Variants in HPGD observed in about 807,000 individuals in gnomAD.
HPGD encodes the protein 15-hydroxyprostaglandin dehydrogenase [NAD(+)].
HPGD carries 29 observed loss-of-function variants against 30.0 expected under a neutral mutation model. That is an observed-to-expected ratio of 0.97 (90% CI 0.72 to 1.32). The LOEUF (loss-of-function observed/expected upper bound fraction) is 1.32. HPGD is among the 40% of genes most tolerant of loss of function. The pLI is 0.00. For synonymous variants in HPGD, 99 were observed against 112.4 expected, an observed-to-expected ratio of 0.88 and a Z score of 0.75; for missense variants, 340 against 322.1, an observed-to-expected ratio of 1.06 and a Z score of -0.43.
At chr4:174,519,580 A>T (rs1320018344) in intron 2 of HPGD, among the ~76,000 whole-genome samples, 2 of 152,080 alleles carry the variant, frequency 1.3e-5, no homozygotes, top group Non-Finnish European at 2.9e-5. Flanking sequence ...ATTCCACCAC[A>T]AAAGAAGTGA....
chr4:174,495,664 A>T, intron 4 of HPGD, 40 bp from the exon 5 acceptor site: 1 of 1,377,218 alleles, frequency 7.3e-7, no homozygotes. Flanking sequence ...CTTTGATGAA[A>T]AAATAAGTAG....
At chr4:174,515,579 G>T (rs1358126233) in intron 3 of HPGD, among the ~76,000 whole-genome samples, 1 of 150,622 alleles carries the variant, frequency 6.6e-6, no homozygotes, top group Non-Finnish European at 1.5e-5. Flanking sequence ...AAGATCTCAT[G>T]ATGAAGTCTC....
chr4:174,514,403 C>G (rs139139269), intron 3 of HPGD, among the ~76,000 whole-genome samples: 2 of 152,166 alleles, frequency 1.3e-5, no homozygotes, highest in African/African-American at 4.8e-5. Context: ...AAGAGGTACA[C>G]TGGAGAAAAA....
In HPGD at chr4:174,492,166, C is replaced by T. The variant is rs140730286; in HGVS notation, c.663-72G>A. On this transcript the variant is annotated intron_variant, in intron 6 of 6. Transcript: ENST00000296522. This position sits in a 1 kb window ranked among gnomAD's most constrained non-coding sequence, Gnocchi z 4.9. Reference sequence around the variant, plus strand: ...TTACCACTTCATTTTAAGTTATTTTCTGAAGAATCTATTAAGTTGAACATG... The same window carrying T: ...TTACCACTTCATTTTAAGTTATTTTTTGAAGAATCTATTAAGTTGAACATG... The T allele has an allele frequency of 7.2e-7, 1 of 1,389,316 alleles. No individual in the cohort carries two copies. Among genetic ancestry groups the T allele is most frequent in the South Asian group, 1.2e-5 (1 of 86,032 alleles). The allele number at this position is 1,389,316 out of a possible 1,614,324, so 86.1% of individuals were successfully genotyped here. A position where few individuals can be genotyped will look rare whatever the true frequency, so the allele number is the denominator to read the frequency against.
At chr4:174,509,460 C>T (rs983253242) in intron 3 of HPGD, among the ~76,000 whole-genome samples, 6 of 152,158 alleles carry the variant, frequency 3.9e-5, no homozygotes, top group Non-Finnish European at 5.9e-5. Context: ...CAGTTTTGGT[C>T]AGTGAGACCT....
intron 4 of HPGD, among the ~76,000 whole-genome samples, chr4:174,497,167 T>C (rs181899473): frequency 6.6e-6 from 1 of 152,326 alleles, no homozygotes; most frequent in East Asian, 1.9e-4. Flanking sequence ...TGTTCATATA[T>C]AGCAGGAAAT....
intron 4 of HPGD, among the ~76,000 whole-genome samples, chr4:174,497,988 G>A (rs1269732868): frequency 7.1e-6 from 1 of 140,414 alleles, no homozygotes; most frequent in Non-Finnish European, 1.5e-5. Context: ...TAGCTCTATT[G>A]CCCAGGCTGG....
rs35636366 is a variant in HPGD, at chr4:174,504,814, AAAACAAACAAACAAAC to A, written c.421+3866_421+3881del. Among the ~76,000 whole-genome samples, 1,203 of 150,126 alleles carry A rather than the reference AAAACAAACAAACAAAC, an allele frequency of 8.0e-3. 17 individuals carry two copies. Among genetic ancestry groups the A allele is most frequent in the African/African-American group, 0.027 (1,093 of 40,658 alleles). ...GGTGACACGAGTGAAACTCTGTCTC[AAAACAAACAAACAAAC>A]AAACAAACAAACAAACAAACAAACG... On this transcript the variant is annotated intron_variant, in intron 4 of 6. Transcript: ENST00000296522.
Sources: allele counts gnomAD v4.1 joint callset (sites outside exome capture counted in the v4.1 genomes callset), GRCh38; gene constraint gnomAD v4.1.1; non-coding constraint Gnocchi (gnomAD v3.1); transcripts MANE v1.5; gene names NCBI Gene and HGNC (gene_info 2026-07-23, HGNC 2026-07-21).